The following ZFR variants were observed in gnomAD, a reference collection of about 807,000 sequenced individuals.
The protein encoded by ZFR is zinc finger RNA binding protein, also known as zinc finger RNA-binding protein.
Under a neutral mutation model 130.7 loss-of-function variants are expected in ZFR, and 19 were observed. That is an observed-to-expected ratio of 0.15 (90% confidence interval 0.10 to 0.21). The LOEUF is 0.21. ZFR is among the 10% of genes least tolerant of loss of function. The pLI, the probability that ZFR is intolerant of heterozygous loss-of-function variation, is 1.00. For missense variants in ZFR, 872 were observed against 1,321.5 expected (o/e 0.66, Z 5.27); for synonymous variants, 466 against 456.9 (o/e 1.02, Z -0.25).
At chr5:32,387,358 A>G (rs1753064859) in intron 14 of ZFR, among the ~76,000 whole-genome samples, 191 bp downstream of exon 14, 1 of 152,188 alleles carries the variant, frequency 6.6e-6, no homozygotes, top group African/African-American at 2.4e-5. Flanking sequence ...AAATATAATC[A>G]CTATAAAACC....
rs555359239 is a variant in ZFR, at chr5:32,442,899, A to C, written c.137+1330T>G. Among the ~76,000 whole-genome samples, 108 of 152,308 alleles carry C rather than the reference A, an allele frequency of 7.1e-4. 1 individual carries two copies. Among genetic ancestry groups the C allele is most frequent in the Non-Finnish European group, 1.2e-3 (85 of 68,034 alleles). On this transcript the variant is annotated intron_variant, in intron 2 of 19. Transcript: ENST00000265069. ...AAAACCCAACTATATGATGTTCCCA[A>C]CGTCATAAAATCAAGAGCAAAAGAG...
At chr5:32,421,369 T>C (rs182160096) in intron 2 of ZFR, among the ~76,000 whole-genome samples, 67 of 152,328 alleles carry the variant, frequency 4.4e-4, no homozygotes, top group African/African-American at 1.6e-3. Context: ...TAATGGTCTA[T>C]AGTACAAGGT....
In ZFR at chr5:32,376,311, A is replaced by G. The variant is rs1051853683; in HGVS notation, c.2835+2804T>C. 3.3e-5 allele frequency among the ~76,000 whole-genome samples: 5 copies of G among 152,150 alleles called. No individual in the cohort carries two copies. The South Asian group carries it at 8.3e-4, about 25-fold the overall frequency. ...GTTATGTATTTAAATTTACATATAC[A>G]TATCTATAGAAAATAAAATTCGATG... On this transcript the variant is annotated intron_variant, in intron 17 of 19. Coordinates refer to ENST00000265069, the MANE Select transcript of ZFR (RefSeq NM_016107.5).
At chr5:32,375,659 ACCATGCCGGGC>A (rs1283211468) in intron 17 of ZFR, among the ~76,000 whole-genome samples, 1 of 151,950 alleles carries the variant, frequency 6.6e-6, no homozygotes, top group Non-Finnish European at 1.5e-5. Flanking sequence ...AGCACATGCC[ACCATGCCGGGC>A]TAATTTTTCT....
In ZFR at chr5:32,406,900, G is replaced by GGCAGCTGTTGCAGCAGCAGCA. The variant is rs771973732; in HGVS notation, c.885_905dup (p.Ala296_Ala302dup). The stretch of plus-strand genomic sequence containing the variant: ...TTTTAGTAAAGGTGGTCCCTGTCCA[G>GGCAGCTGTTGCAGCAGCAGCA]GCAGCTGTTGCAGCAGCAGCAGCAG... On this transcript the variant is annotated inframe_insertion, in exon 6 of 20. Coordinates refer to ENST00000265069, the MANE Select transcript of ZFR (RefSeq NM_016107.5). The GGCAGCTGTTGCAGCAGCAGCA allele has an allele frequency of 2.5e-6, 4 of 1,613,140 alleles. No homozygotes were observed. The highest frequency in any genetic ancestry group is 1.7e-6 in the Non-Finnish European group (2 of 1,179,804).
rs138920140 is a variant in ZFR, at chr5:32,411,714, G to GGGAA, written c.784+3254_784+3255insTTCC. 4.0e-4 allele frequency among the ~76,000 whole-genome samples: 22 copies of GGGAA among 54,610 alleles called. 2 individuals carry two copies. Among genetic ancestry groups the GGGAA allele is most frequent in the South Asian group, 2.2e-3 (3 of 1,386 alleles). 35.8% of individuals were successfully genotyped at this position (54,610 alleles called of 152,430 possible). A position where few individuals can be genotyped will look rare whatever the true frequency, so the allele number is the denominator to read the frequency against. On this transcript the variant is annotated intron_variant, in intron 5 of 19. Coordinates refer to ENST00000265069, the MANE Select transcript of ZFR (RefSeq NM_016107.5). ...AAAAAAAAAAAAAAAAATTGAGGGG[G>GGGAA]GGCGGGGAATAGAAAATATAATACA...
chr5:32,364,154 T>A lies in ZFR; in HGVS notation c.2947+10A>T. 1 of 1,606,282 alleles carries A rather than the reference T, an allele frequency of 6.2e-7. No individual in the cohort carries two copies. The highest frequency in any genetic ancestry group is 8.5e-7 in the Non-Finnish European group (1 of 1,174,594). On this transcript the variant is annotated intron_variant, in intron 18 of 19. Coordinates refer to ENST00000265069, the MANE Select transcript of ZFR (RefSeq NM_016107.5). ...TCATTTTACTTCATTAAAAACAAAG[T>A]AAGAGTTACCTTTAAGAATAATCCC...
Position 32,419,937 on chromosome 5 carries a change from T to C in ZFR, c.304A>G (p.Thr102Ala). 1 of 1,613,930 alleles carries C rather than the reference T, an allele frequency of 6.2e-7. No homozygotes were observed. Among genetic ancestry groups the C allele is most frequent in the Non-Finnish European group, 8.5e-7 (1 of 1,179,974 alleles). The part of the protein sequence containing the change: ...PAPVAVAAAA[T>A]AAAYGGYPTA... ...GGGTAGCCTCCATAAGCAGCAGCTGTTGCAGCAGCTGCAACAGCTACTGGA... is the reference window on the plus strand; with the variant it reads ...GGGTAGCCTCCATAAGCAGCAGCTGCTGCAGCAGCTGCAACAGCTACTGGA... Residue 102 changes from threonine (T) to alanine (A), a missense_variant, in exon 3 of 20, where the codon ACA (threonine) becomes GCA (alanine). Physicochemically the swap from Thr to Ala is moderately conservative, Grantham distance 58 (BLOSUM62 0). Coordinates refer to ENST00000265069, the MANE Select transcript of ZFR (RefSeq NM_016107.5).
intron 17 of ZFR, among the ~76,000 whole-genome samples, chr5:32,369,161 A>G (rs1372528304): frequency 6.6e-6 from 1 of 152,268 alleles, no homozygotes; most frequent in African/African-American, 2.4e-5. Context: ...ATTTTTGTTA[A>G]GGGGTATCTA....
chr5:32,405,736 C>A (rs1753566273), intron 6 of ZFR, among the ~76,000 whole-genome samples: 1 of 152,176 alleles, frequency 6.6e-6, no homozygotes, highest in Non-Finnish European at 1.5e-5. Context: ...CCTACCTGTG[C>A]CACACCTGCC....
At chr5:32,424,038 A>C (rs1055028355) in intron 2 of ZFR, among the ~76,000 whole-genome samples, 1 of 152,244 alleles carries the variant, frequency 6.6e-6, no homozygotes. Context: ...TAAAACAAAA[A>C]GTAAACCAAG....
At chr5:32,441,801 CTA>C (rs1428434372) in intron 2 of ZFR, among the ~76,000 whole-genome samples, 1 of 152,136 alleles carries the variant, frequency 6.6e-6, no homozygotes, top group Non-Finnish European at 1.5e-5. Context: ...TTTTCATGTA[CTA>C]TGTTTATATA....
At chr5:32,407,112 A>C (rs1753595348) in intron 5 of ZFR, 91 bp from the exon 6 acceptor site, 38 of 1,146,400 alleles carry the variant, frequency 3.3e-5, no homozygotes, top group Non-Finnish European at 4.3e-5. Flanking sequence ...AATCCTGCCA[A>C]TAAAGATAGA....
intron 10 of ZFR, among the ~76,000 whole-genome samples, chr5:32,396,805 TGAA>T (rs1196089378): frequency 6.6e-6 from 1 of 152,144 alleles, no homozygotes; most frequent in African/African-American, 2.4e-5. Context: ...GTGTATTCAG[TGAA>T]GAATTCCTAC....
At chr5:32,444,037 G>C (rs930506435) in intron 2 of ZFR, among the ~76,000 whole-genome samples, 192 bp downstream of exon 2, 1 of 140,606 alleles carries the variant, frequency 7.1e-6, no homozygotes, top group African/African-American at 2.6e-5. Context: ...TCCCCGCCGC[G>C]GGCCGGGCCG....
chr5:32,367,216 C>T (rs1386179466), intron 17 of ZFR, among the ~76,000 whole-genome samples: 1 of 151,982 alleles, frequency 6.6e-6, no homozygotes, highest in Non-Finnish European at 1.5e-5. Flanking sequence ...GGTGGATCAC[C>T]TGACGTGAGG....
chr5:32,426,678 G>A (rs1429870667), intron 2 of ZFR, among the ~76,000 whole-genome samples: 1 of 152,176 alleles, frequency 6.6e-6, no homozygotes, highest in Non-Finnish European at 1.5e-5. Context: ...AAGGCAGGTG[G>A]ATCACTTCAG....
chr5:32,393,500 C>T (rs1298799307), intron 11 of ZFR, among the ~76,000 whole-genome samples: 1 of 151,994 alleles, frequency 6.6e-6, no homozygotes, highest in Non-Finnish European at 1.5e-5. Context: ...TGCGCCACCA[C>T]GCCGGCTAAT....
intron 17 of ZFR, among the ~76,000 whole-genome samples, chr5:32,368,610 A>C (rs769053523): frequency 6.6e-6 from 1 of 152,216 alleles, no homozygotes. Flanking sequence ...CTATTACTAC[A>C]TAAGAAAAGC....
Sources: allele counts gnomAD v4.1 joint callset (sites outside exome capture counted in the v4.1 genomes callset), GRCh38; gene constraint gnomAD v4.1.1; transcripts MANE v1.5; gene names NCBI Gene and HGNC (gene_info 2026-07-23, HGNC 2026-07-21).